The following TXNDC16 variants were observed in gnomAD, a reference collection of about 807,000 sequenced individuals.
TXNDC16 encodes the protein thioredoxin domain containing 16, also known as thioredoxin domain-containing protein 16.
Under a neutral mutation model 85.6 loss-of-function variants are expected in TXNDC16, and 74 were observed. The ratio of observed to expected loss-of-function variants is 0.86; its 90% CI spans 0.72 to 1.05. The LOEUF (loss-of-function observed/expected upper bound fraction) is 1.05. Among genes scored for constraint, TXNDC16 ranks in the 50% least tolerant of loss-of-function variants. TXNDC16 has a pLI of 0.00. For missense variants in TXNDC16, 959 were observed against 947.0 expected (o/e 1.01, Z -0.17); for synonymous variants, 335 against 326.5 (o/e 1.03, Z -0.28).
intron 18 of TXNDC16, among the ~76,000 whole-genome samples, chr14:52,451,454 T>C (rs1441846922): frequency 2.0e-5 from 3 of 151,978 alleles, no homozygotes; most frequent in Non-Finnish European, 2.9e-5. Context: ...CTCAACAAAA[T>C]ATTAGCAAAC....
chr14:52,455,264 C>T, intron 18 of TXNDC16, 60 bp downstream of exon 18: 2 of 1,585,930 alleles, frequency 1.3e-6, no homozygotes, highest in East Asian at 2.2e-5. Flanking sequence ...TGAACATATA[C>T]TACCTTTGAC....
chr14:52,504,502 T>C (rs1469520094), intron 9 of TXNDC16, among the ~76,000 whole-genome samples: 1 of 152,010 alleles, frequency 6.6e-6, no homozygotes, highest in Non-Finnish European at 1.5e-5. Context: ...ATAAAATACT[T>C]TACAGACAAG....
Position 52,504,841 on chromosome 14 carries a change from A to G in TXNDC16, c.756+6399T>C, listed in dbSNP as rs569262505. ...CAGGAAGCCCATCTCATGTGCAGAG[A>G]CACACATAGGCTCAAAATAAAGGGA... On this transcript the variant is annotated intron_variant, in intron 9 of 20. Coordinates refer to ENST00000281741, the MANE Select transcript of TXNDC16 (RefSeq NM_020784.3). 7.9e-5 allele frequency among the ~76,000 whole-genome samples: 12 copies of G among 152,296 alleles called. No homozygotes were observed. In the East Asian group the frequency reaches 2.3e-3, roughly 29 times the overall value.
intron 6 of TXNDC16, among the ~76,000 whole-genome samples, chr14:52,526,747 G>A (rs2037344409): frequency 6.6e-6 from 1 of 152,218 alleles, no homozygotes; most frequent in Non-Finnish European, 1.5e-5. Context: ...GCTTCAGGAT[G>A]AGGCCTGGTC....
At chr14:52,508,476 A>T (rs1212808082) in intron 9 of TXNDC16, among the ~76,000 whole-genome samples, 1 of 152,222 alleles carries the variant, frequency 6.6e-6, no homozygotes, top group East Asian at 1.9e-4. Context: ...TGGGACTGTA[A>T]ACTAGTTCAA....
chr14:52,493,697 T>C (rs1264097767), intron 9 of TXNDC16, among the ~76,000 whole-genome samples: 2 of 152,136 alleles, frequency 1.3e-5, no homozygotes, highest in Non-Finnish European at 2.9e-5. Context: ...AGTTGTCAGA[T>C]TGAAAGAGCC....
chr14:52,500,822 A>T (rs904174798), intron 9 of TXNDC16, among the ~76,000 whole-genome samples: 2 of 152,206 alleles, frequency 1.3e-5, no homozygotes, highest in African/African-American at 2.4e-5. Flanking sequence ...ACAAAAAATA[A>T]TGTAAAAATT....
intron 4 of TXNDC16, among the ~76,000 whole-genome samples, chr14:52,539,646 A>G (rs2037783879): frequency 6.6e-6 from 1 of 152,198 alleles, no homozygotes; most frequent in Admixed American, 6.5e-5. Context: ...CCCAATGAGA[A>G]GAGATGGCAG....
At chr14:52,436,348 T>C (rs1482559159) in intron 20 of TXNDC16, among the ~76,000 whole-genome samples, 1 of 152,212 alleles carries the variant, frequency 6.6e-6, no homozygotes, top group Non-Finnish European at 1.5e-5. Context: ...ATACCATTTA[T>C]ATGAAATGTC....
Position 52,454,963 on chromosome 14 carries a change from T to C in TXNDC16, c.1842+361A>G, listed in dbSNP as rs139736394. Among the ~76,000 whole-genome samples the C allele has an allele frequency of 3.1e-3, 471 of 152,334 alleles. 2 individuals carry two copies. The highest frequency in any genetic ancestry group is 0.011 in the African/African-American group (454 of 41,580). On this transcript the variant is annotated intron_variant, in intron 18 of 20. Transcript: ENST00000281741. Reference sequence around the variant, plus strand: ...GCTACTATGAGCTACATTTTATGCATGCAGAAACCGAAGAACAGAGAAGTT... The same window carrying C: ...GCTACTATGAGCTACATTTTATGCACGCAGAAACCGAAGAACAGAGAAGTT...
chr14:52,488,838 A>AAAAAAAAC lies in TXNDC16; in HGVS notation c.985-353_985-352insGTTTTTTT, dbSNP rs2036335812. Among the ~76,000 whole-genome samples the AAAAAAAAC allele has an allele frequency of 7.3e-5, 11 of 151,688 alleles. No homozygotes were observed. In the South Asian group the frequency reaches 2.3e-3, roughly 32 times the overall value. ...GACAAGGCGAGACTCTGGGAAAAAA[A>AAAAAAAAC]AAAAAAAAAAACAAGTTTTACTTGT... On this transcript the variant is annotated intron_variant, in intron 11 of 20. Transcript: ENST00000281741.
At position 52,474,392 on chromosome 14, in the gene TXNDC16, C is replaced by A. The variant is rs112827906; in HGVS notation, c.1313-3712G>T. On this transcript the variant is annotated intron_variant, in intron 14 of 20. Transcript: ENST00000281741. ...AAAACTTAAATTTGTCCATAGATTG[C>A]AACTTGCCTTGCATAAAGGAAAATG... Among the ~76,000 whole-genome samples the A allele has an allele frequency of 2.8e-4, 43 of 152,292 alleles. 1 individual carries two copies. The South Asian group carries it at 7.7e-3, about 27-fold the overall frequency.
At chr14:52,439,542 G>C (rs749284011) in intron 19 of TXNDC16, 148 bp from the exon 20 acceptor site, 4 of 684,002 alleles carry the variant, frequency 5.8e-6, no homozygotes, top group Non-Finnish European at 7.1e-6. Flanking sequence ...AGAAGTCTAC[G>C]ACATGTTATT....
chr14:52,484,887 A>G (rs950296196), intron 12 of TXNDC16, among the ~76,000 whole-genome samples: 2 of 152,224 alleles, frequency 1.3e-5, no homozygotes, highest in Non-Finnish European at 2.9e-5. Flanking sequence ...GTCTCAAAAA[A>G]AAAGAAAAAA....
chr14:52,495,642 G>T (rs1227095474), intron 9 of TXNDC16, among the ~76,000 whole-genome samples: 4 of 152,060 alleles, frequency 2.6e-5, no homozygotes, highest in African/African-American at 9.7e-5. Context: ...ATGTGGGAGG[G>T]ATTACTGCAG....
At chr14:52,484,236 G>C (rs181187903) in intron 12 of TXNDC16, among the ~76,000 whole-genome samples, 1 of 151,696 alleles carries the variant, frequency 6.6e-6, no homozygotes. Flanking sequence ...GCCATGGTTT[G>C]ATAATGGCTG....
rs774449115 is a variant in TXNDC16 at position 52,470,273 on chromosome 14, GATA to G, written c.1482-103_1482-101del. 258 of 953,304 alleles carry G rather than the reference GATA, an allele frequency of 2.7e-4. 2 individuals are homozygous for G. Among genetic ancestry groups the G allele is most frequent in the Middle Eastern group, 1.0e-3 (3 of 2,928 alleles). 59.1% of individuals were successfully genotyped at this position (953,304 alleles called of 1,614,324 possible). A position where few individuals can be genotyped will look rare whatever the true frequency, so the allele number is the denominator to read the frequency against. On this transcript the variant is annotated intron_variant, in intron 15 of 20. Transcript: ENST00000281741. ...ACATAGCAAACAATATATTACATAGGATAATATCTTACAAAATATAGAAAATTA... is the reference window on the plus strand; with the variant it reads ...ACATAGCAAACAATATATTACATAGGATATCTTACAAAATATAGAAAATTA...
chr14:52,497,223 T>C (rs2140162554), intron 9 of TXNDC16, among the ~76,000 whole-genome samples: 1 of 152,216 alleles, frequency 6.6e-6, no homozygotes, highest in Non-Finnish European at 1.5e-5. Context: ...GCCAATAAAT[T>C]TGATAACTTA....
chr14:52,505,000 C>A (rs964306855), intron 9 of TXNDC16, among the ~76,000 whole-genome samples: 8 of 152,144 alleles, frequency 5.3e-5, no homozygotes, highest in Admixed American at 2.6e-4. Flanking sequence ...GTAAAGGTAT[C>A]AATTCAAAAA....
Sources: allele counts gnomAD v4.1 joint callset (sites outside exome capture counted in the v4.1 genomes callset), GRCh38; gene constraint gnomAD v4.1.1; transcripts MANE v1.5; gene names NCBI Gene and HGNC (gene_info 2026-07-23, HGNC 2026-07-21).